The following STK35 variants were observed in gnomAD, a reference collection of about 807,000 sequenced individuals.
STK35 encodes serine/threonine kinase 35.
In STK35, 17 loss-of-function variants were observed where a neutral mutation model predicts 37.3. The ratio of observed to expected loss-of-function variants is 0.46; its 90% CI spans 0.31 to 0.68. The LOEUF is 0.68. Ranked by LOEUF, STK35 falls within the 30% of genes least tolerant of loss-of-function variation. The probability of loss-of-function intolerance (pLI) is 0.05; values close to 1 mark genes in which losing one functional copy is unlikely to be tolerated. For synonymous variants in STK35, 385 were observed against 319.1 expected, an observed-to-expected ratio of 1.21 and a Z score of -2.20; for missense variants, 595 against 746.7, an observed-to-expected ratio of 0.80 and a Z score of 2.37.
At chr20:2,139,365 C>A (rs896189195) in intron 3 of STK35, among the ~76,000 whole-genome samples, 1 of 152,330 alleles carries the variant, frequency 6.6e-6, no homozygotes, top group East Asian at 1.9e-4. Flanking sequence ...TTTTGTCCCC[C>A]GAGCACTAGA....
chr20:2,128,100 G>A (rs1985937264), intron 3 of STK35, among the ~76,000 whole-genome samples: 1 of 152,132 alleles, frequency 6.6e-6, no homozygotes, highest in Non-Finnish European at 1.5e-5. Context: ...GAACTTGTTA[G>A]AAACACGTAT....
Position 2,103,140 on chromosome 20 carries a change from C to G in STK35, c.667C>G (p.Arg223Gly), listed in dbSNP as rs555115763. The part of the protein sequence containing the change: ...YGVVYEAVAG[R>G]SGARVAVKKI... ...CGTGGTTTATGAGGCAGTGGCCGGG[C>G]GCAGCGGGGCCCGGGTGGCGGTCAA... The change falls in exon 2 of 4, where the codon CGC (arginine) becomes GGC (glycine). Residue 223 changes from arginine to glycine, a missense_variant. Arg to Gly is a moderately radical substitution (Grantham distance 125, BLOSUM62 -2). This residue lies in a region of STK35 where 97 missense variants were observed against 146.4 expected (regional missense o/e 0.66). Transcript: ENST00000381482. The G allele has an allele frequency of 8.4e-5, 134 of 1,604,406 alleles. No individual in the cohort carries two copies. In the African/African-American group the frequency reaches 1.6e-3, roughly 20 times the overall value.
At chr20:2,107,130 C>G (rs1985530943) in intron 2 of STK35, among the ~76,000 whole-genome samples, 1 of 152,192 alleles carries the variant, frequency 6.6e-6, no homozygotes, top group Non-Finnish European at 1.5e-5. Flanking sequence ...AATGCCTGTC[C>G]TGAATGTGCC....
At chr20:2,107,359 T>A (rs1985535261) in intron 2 of STK35, among the ~76,000 whole-genome samples, 1 of 152,232 alleles carries the variant, frequency 6.6e-6, no homozygotes, top group Non-Finnish European at 1.5e-5. Flanking sequence ...TACACTCAAC[T>A]TGATAAGACA....
At chr20:2,136,374 A>G (rs1291551156) in intron 3 of STK35, among the ~76,000 whole-genome samples, 2 of 152,196 alleles carry the variant, frequency 1.3e-5, no homozygotes, top group Non-Finnish European at 2.9e-5. Context: ...TGAAGGTGTG[A>G]GAGAGGGGAG....
intron 2 of STK35, among the ~76,000 whole-genome samples, chr20:2,115,931 T>A (rs1227021090): frequency 1.3e-5 from 2 of 151,996 alleles, no homozygotes; most frequent in Admixed American, 1.3e-4. Context: ...TTGACCCTGA[T>A]GGAGATGTAC....
At chr20:2,127,152 T>G (rs115832501) in intron 3 of STK35, among the ~76,000 whole-genome samples, 3,394 of 152,290 alleles carry the variant, frequency 0.022, 126 homozygotes, top group African/African-American at 0.075. Context: ...ATTATCTATT[T>G]TAATGGGAAA....
At chr20:2,136,123 GC>G (rs1305536977) in intron 3 of STK35, among the ~76,000 whole-genome samples, 1 of 152,200 alleles carries the variant, frequency 6.6e-6, no homozygotes, top group Non-Finnish European at 1.5e-5. Context: ...CTGAGGCCGG[GC>G]CTGCTCCAAA....
intron 3 of STK35, among the ~76,000 whole-genome samples, chr20:2,135,129 C>G (rs553991123): frequency 1.3e-5 from 2 of 152,314 alleles, no homozygotes; most frequent in Admixed American, 1.3e-4. Context: ...AGGCAAGATC[C>G]TTCATCTTCC....
intron 3 of STK35, among the ~76,000 whole-genome samples, chr20:2,131,707 A>G (rs1427385309): frequency 1.3e-5 from 2 of 152,094 alleles, no homozygotes; most frequent in Non-Finnish European, 2.9e-5. Flanking sequence ...TTCTTGATTC[A>G]TTAACATTTA....
chr20:2,113,759 A>C (rs568910871), intron 2 of STK35, among the ~76,000 whole-genome samples: 107 of 152,326 alleles, frequency 7.0e-4, no homozygotes, highest in African/African-American at 2.5e-3. Context: ...TCATTTCCCC[A>C]AAAAGATCTT....
intron 2 of STK35, among the ~76,000 whole-genome samples, chr20:2,109,523 T>C (rs900445987): frequency 3.9e-5 from 6 of 152,394 alleles, no homozygotes; most frequent in African/African-American, 1.4e-4. Flanking sequence ...AGAACGTCAG[T>C]GTCCATCAAG....
At chr20:2,140,124 C>G (rs6137098) in intron 3 of STK35, among the ~76,000 whole-genome samples, 1 of 152,214 alleles carries the variant, frequency 6.6e-6, no homozygotes, top group Non-Finnish European at 1.5e-5. Flanking sequence ...CAAATCCCTC[C>G]TCACAGTAAT....
intron 2 of STK35, among the ~76,000 whole-genome samples, chr20:2,111,610 GGAGGCTCCCTT>G (rs1243797077): frequency 3.3e-5 from 5 of 152,202 alleles, no homozygotes; most frequent in Admixed American, 3.3e-4. Flanking sequence ...GGCTGAGGCA[GGAGGCTCCCTT>G]GAGCCCAGAA....
At chr20:2,110,536 A>G (rs1283231144) in intron 2 of STK35, among the ~76,000 whole-genome samples, 1 of 152,048 alleles carries the variant, frequency 6.6e-6, no homozygotes, top group Non-Finnish European at 1.5e-5. Context: ...ACCAGTTCTG[A>G]GTGTCTCTGG....
intron 2 of STK35, among the ~76,000 whole-genome samples, chr20:2,109,902 C>G (rs1478135352): frequency 6.6e-6 from 1 of 152,254 alleles, no homozygotes; most frequent in Non-Finnish European, 1.5e-5. Flanking sequence ...CCAGGCCTGG[C>G]TGGCTTTACA....
intron 3 of STK35, among the ~76,000 whole-genome samples, chr20:2,142,360 C>G (rs1986185935): frequency 1.3e-5 from 2 of 152,164 alleles, no homozygotes; most frequent in African/African-American, 4.8e-5. Context: ...CTGGCCAGGT[C>G]CCTTCCCAGG....
intron 3 of STK35, among the ~76,000 whole-genome samples, chr20:2,122,090 T>C (rs1985828066): frequency 6.6e-6 from 1 of 152,228 alleles, no homozygotes; most frequent in African/African-American, 2.4e-5. Flanking sequence ...CCCAGCACTT[T>C]GGGAAGCCAA....
At position 2,103,371 on chromosome 20, in the gene STK35, A is replaced by T. The variant is rs749363971; in HGVS notation, c.892+6A>T. 1.9e-6 allele frequency: 3 copies of T among 1,606,964 alleles called. No individual in the cohort carries two copies. In the African/African-American group the frequency reaches 4.0e-5, roughly 22 times the overall value. ...GGTGGAGACCTCGCTGAAAGGTAGG[A>T]GCACCGCGGGCCTTTCCACCCACGC... On this transcript the variant is annotated splice_donor_region_variant and intron_variant, in intron 2 of 3. Transcript: ENST00000381482.
Sources: gnomAD v4.1 joint callset for allele counts (sites outside exome capture counted in the v4.1 genomes callset) on GRCh38, gnomAD v4.1.1 for gene constraint, gnomAD v4.1.1 regional missense constraint, MANE v1.5 for transcripts, NCBI Gene and HGNC (gene_info 2026-07-23, HGNC 2026-07-21) for gene names.